The following TMPRSS15 variants were observed in gnomAD, a reference collection of about 807,000 sequenced individuals.
TMPRSS15 encodes enteropeptidase.
Under a neutral mutation model 125.3 loss-of-function variants are expected in TMPRSS15, and 128 were observed. That is an observed-to-expected ratio of 1.02 (90% CI 0.89 to 1.18). The LOEUF (loss-of-function observed/expected upper bound fraction) is 1.18, where lower values mean the gene tolerates loss of function less well. Ranked by LOEUF, TMPRSS15 falls within the 50% of genes most tolerant of loss-of-function variation. The pLI is 0.00. For synonymous variants in TMPRSS15, 446 were observed against 423.2 expected, an observed-to-expected ratio of 1.05 and a Z score of -0.66; for missense variants, 1,283 against 1,212.7, an observed-to-expected ratio of 1.06 and a Z score of -0.86.
chr21:18,341,290 C>T, intron 13 of TMPRSS15, 123 bp downstream of exon 13: 1 of 1,235,194 alleles, frequency 8.1e-7, no homozygotes, highest in Non-Finnish European at 1.2e-6. Flanking sequence ...AGGCTGGTCT[C>T]AAACTCCTGG....
intron 23 of TMPRSS15, among the ~76,000 whole-genome samples, chr21:18,276,730 A>C (rs1017746407): frequency 1.3e-5 from 2 of 149,418 alleles, no homozygotes; most frequent in African/African-American, 4.9e-5. Context: ...AGTATAATAT[A>C]CTCAAAAGAT....
chr21:18,323,484 ACTCAATTAC>A (rs2075259981), intron 16 of TMPRSS15, among the ~76,000 whole-genome samples: 1 of 152,046 alleles, frequency 6.6e-6, no homozygotes, highest in African/African-American at 2.4e-5. Flanking sequence ...CACCCCCATT[ACTCAATTAC>A]CTCCCACCAG....
At chr21:18,411,012 T>G (rs1052959904) in intron 1 of TMPRSS15, among the ~76,000 whole-genome samples, 4 of 152,134 alleles carry the variant, frequency 2.6e-5, no homozygotes, top group African/African-American at 9.7e-5. Flanking sequence ...AGTATTTAGC[T>G]GATTACTACT....
chr21:18,365,574 T>C lies in TMPRSS15; in HGVS notation c.665-326A>G, dbSNP rs992370285. ...CTTTTCTCTCTTTCTTTCTCTCTCT[T>C]TCTCTCTTTTTCCTTCCTTCCTTCC... On this transcript the variant is annotated intron_variant, in intron 6 of 24. Coordinates refer to ENST00000284885, the MANE Select transcript of TMPRSS15 (RefSeq NM_002772.3). Among the ~76,000 whole-genome samples the C allele has an allele frequency of 2.6e-4, 26 of 100,380 alleles. No individual in the cohort carries two copies. In the South Asian group the frequency reaches 3.7e-3, roughly 14 times the overall value. 65.9% of individuals were successfully genotyped at this position (100,380 alleles called of 152,430 possible).
chr21:18,419,564 C>T (rs569492452), intron 1 of TMPRSS15, among the ~76,000 whole-genome samples: 56 of 152,278 alleles, frequency 3.7e-4, no homozygotes, highest in Non-Finnish European at 6.5e-4. Context: ...CCTTCTCTTT[C>T]TTCTTTGGAC....
At chr21:18,326,889 CT>C (rs1199686686) in intron 15 of TMPRSS15, among the ~76,000 whole-genome samples, 1 of 152,180 alleles carries the variant, frequency 6.6e-6, no homozygotes, top group Non-Finnish European at 1.5e-5. Flanking sequence ...TGACTGACTA[CT>C]TATAAAGACC....
At chr21:18,332,020 C>A in intron 14 of TMPRSS15, 64 bp downstream of exon 14, 6 of 1,413,152 alleles carry the variant, frequency 4.2e-6, no homozygotes, top group Middle Eastern at 1.8e-4. Flanking sequence ...TTTGCTGCGT[C>A]AAGGGGAGAT....
intron 16 of TMPRSS15, among the ~76,000 whole-genome samples, chr21:18,316,538 A>C (rs189729391): frequency 5.6e-4 from 86 of 152,320 alleles, no homozygotes; most frequent in Admixed American, 8.5e-4. Context: ...GGTAATGTGA[A>C]AAGAAGTTGA....
intron 16 of TMPRSS15, 133 bp from the exon 17 acceptor site, chr21:18,315,389 G>A: frequency 1.4e-6 from 1 of 695,016 alleles, no homozygotes. Context: ...CTTTGATACT[G>A]AGTAAATGAG....
At chr21:18,348,723 T>A (rs2075534512) in intron 10 of TMPRSS15, among the ~76,000 whole-genome samples, 1 of 152,228 alleles carries the variant, frequency 6.6e-6, no homozygotes, top group Non-Finnish European at 1.5e-5. Context: ...AGAACTAATA[T>A]GATTTTGAAA....
chr21:18,378,491 C>A (rs1419811538), intron 5 of TMPRSS15, among the ~76,000 whole-genome samples: 1 of 152,080 alleles, frequency 6.6e-6, no homozygotes, highest in Non-Finnish European at 1.5e-5. Flanking sequence ...ATTACACCAA[C>A]AATTTTTATG....
chr21:18,411,189 CT>C (rs1370533135), intron 1 of TMPRSS15, among the ~76,000 whole-genome samples: 4 of 152,200 alleles, frequency 2.6e-5, no homozygotes, highest in Non-Finnish European at 5.9e-5. Context: ...CTAGAATATT[CT>C]TTTTGAAATA....
chr21:18,430,751 G>C (rs1490860187), intron 1 of TMPRSS15, among the ~76,000 whole-genome samples: 2 of 152,162 alleles, frequency 1.3e-5, no homozygotes, highest in African/African-American at 2.4e-5. Context: ...GGGAAAACAA[G>C]GAGAGGTCTG....
chr21:18,481,859 A>G (rs1470759999), intron 1 of TMPRSS15, among the ~76,000 whole-genome samples: 1 of 151,758 alleles, frequency 6.6e-6, no homozygotes, highest in Non-Finnish European at 1.5e-5. Context: ...TTATTTTCTG[A>G]GGGAATTAAT....
intron 13 of TMPRSS15, among the ~76,000 whole-genome samples, chr21:18,340,501 T>C (rs1249536139): frequency 6.6e-6 from 1 of 152,128 alleles, no homozygotes. Context: ...CACCTTGTGA[T>C]CATGTGAGTC....
chr21:18,414,869 T>A (rs552353586), intron 1 of TMPRSS15, among the ~76,000 whole-genome samples: 1 of 152,310 alleles, frequency 6.6e-6, no homozygotes, highest in Admixed American at 6.5e-5. Context: ...TTTCTTGGGA[T>A]ATATACCCAG....
intron 7 of TMPRSS15, among the ~76,000 whole-genome samples, chr21:18,363,583 G>T (rs1300504686): frequency 6.6e-6 from 1 of 152,024 alleles, no homozygotes; most frequent in African/African-American, 2.4e-5. Flanking sequence ...TCCATTTTCA[G>T]TGAAAGATAT....
chr21:18,285,887 T>C (rs2074757115), intron 21 of TMPRSS15, among the ~76,000 whole-genome samples: 1 of 152,202 alleles, frequency 6.6e-6, no homozygotes, highest in Non-Finnish European at 1.5e-5. Flanking sequence ...AAGAATATGT[T>C]TAATTTTTCT....
chr21:18,288,528 CTTTTTTTTTTTTT>C (rs149147539), intron 21 of TMPRSS15, among the ~76,000 whole-genome samples: 1 of 96,936 alleles, frequency 1.0e-5, no homozygotes, highest in South Asian at 4.3e-4. Context: ...AATGCTCTTC[CTTTTTTTTTTTTT>C]TTTTTTTTTT....
Sources: gnomAD v4.1 joint callset for allele counts (sites outside exome capture counted in the v4.1 genomes callset) on GRCh38, gnomAD v4.1.1 for gene constraint, MANE v1.5 for transcripts, NCBI Gene and HGNC (gene_info 2026-07-23, HGNC 2026-07-21) for gene names.